SREK1IP1: variants seen among roughly 807,000 people sequenced by gnomAD.
SREK1IP1 encodes protein SREK1IP1.
Under a neutral mutation model 22.8 loss-of-function variants are expected in SREK1IP1, and 12 were observed. The ratio of observed to expected loss-of-function variants is 0.53; its 90% confidence interval spans 0.34 to 0.85. The LOEUF (loss-of-function observed/expected upper bound fraction) is 0.85. Among genes scored for constraint, SREK1IP1 ranks in the 40% least tolerant of loss-of-function variants. The pLI is 0.02. For synonymous variants in SREK1IP1, 53 were observed against 52.7 expected, an observed-to-expected ratio of 1.01 and a Z score of -0.02; for missense variants, 147 against 171.8, an observed-to-expected ratio of 0.86 and a Z score of 0.81.
At chr5:64,762,402 G>A (rs113778705) in intron 1 of SREK1IP1, among the ~76,000 whole-genome samples, 5 of 152,060 alleles carry the variant, frequency 3.3e-5, no homozygotes, top group African/African-American at 4.8e-5. Context: ...AGTTACAATC[G>A]GGGAACCTAT....
intron 2 of SREK1IP1, among the ~76,000 whole-genome samples, chr5:64,753,329 A>C (rs1419546879): frequency 6.6e-6 from 1 of 152,226 alleles, no homozygotes; most frequent in Non-Finnish European, 1.5e-5. Flanking sequence ...TGCTTGAAAG[A>C]AAGCAAACAA....
At chr5:64,758,540 A>G (rs1222002073) in intron 1 of SREK1IP1, among the ~76,000 whole-genome samples, 4 of 152,254 alleles carry the variant, frequency 2.6e-5, no homozygotes, top group African/African-American at 9.6e-5. Context: ...CATTTTGAAA[A>G]CAACTGCATG....
At chr5:64,734,241 G>A (rs181422774) in intron 3 of SREK1IP1, among the ~76,000 whole-genome samples, 1 of 152,112 alleles carries the variant, frequency 6.6e-6, no homozygotes, top group African/African-American at 2.4e-5. Context: ...CTGTTCCATT[G>A]ATCTATCTTT....
At chr5:64,738,982 A>G (rs1742511859) in intron 3 of SREK1IP1, among the ~76,000 whole-genome samples, 1 of 152,120 alleles carries the variant, frequency 6.6e-6, no homozygotes, top group African/African-American at 2.4e-5. Context: ...AGAGAAGTGG[A>G]AAGCTATTCT....
intron 1 of SREK1IP1, among the ~76,000 whole-genome samples, chr5:64,762,254 T>C (rs1208662483): frequency 6.6e-6 from 1 of 152,202 alleles, no homozygotes; most frequent in East Asian, 1.9e-4. Flanking sequence ...GTAACTAAGT[T>C]TTTTAGTACT....
chr5:64,728,246 T>C (rs1371612199), intron 3 of SREK1IP1, 67 bp from the exon 4 acceptor site: 1 of 1,205,178 alleles, frequency 8.3e-7, no homozygotes, highest in Admixed American at 3.3e-5. Context: ...ATATGGCATG[T>C]ATATATGTTA....
intron 2 of SREK1IP1, among the ~76,000 whole-genome samples, chr5:64,744,665 TTC>T (rs1469822304): frequency 6.6e-6 from 1 of 152,200 alleles, no homozygotes; most frequent in East Asian, 1.9e-4. Context: ...TTTTGAAAAT[TTC>T]TGTGTAGTTT....
At chr5:64,742,258 CTA>C (rs1040058362) in intron 2 of SREK1IP1, among the ~76,000 whole-genome samples, 1 of 151,978 alleles carries the variant, frequency 6.6e-6, no homozygotes, top group Non-Finnish European at 1.5e-5. Flanking sequence ...CAGTAGTTTG[CTA>C]TTATAAAAAG....
chr5:64,764,715 T>C lies in SREK1IP1; in HGVS notation c.13+3790A>G, dbSNP rs542894838. Among the ~76,000 whole-genome samples the C allele has an allele frequency of 5.9e-5, 9 of 152,250 alleles. No homozygotes were observed. The East Asian group carries it at 1.7e-3, about 29-fold the overall frequency. ...TGAAGAGAACTACAAAATTCACAGA[T>C]AGGGGTCAAGAACTAAGTTCATGCC... On this transcript the variant is annotated intron_variant, in intron 1 of 4. Coordinates refer to ENST00000513458, the MANE Select transcript of SREK1IP1 (RefSeq NM_173829.4).
intron 4 of SREK1IP1, among the ~76,000 whole-genome samples, chr5:64,726,176 T>C (rs1742261440): frequency 6.6e-6 from 1 of 152,034 alleles, no homozygotes; most frequent in South Asian, 2.1e-4. Context: ...TGGCCTGAAG[T>C]CTCCTTTTTA....
intron 4 of SREK1IP1, 51 bp from the exon 5 acceptor site, chr5:64,724,624 T>C (rs765817648): frequency 7.4e-7 from 1 of 1,343,760 alleles, no homozygotes; most frequent in Non-Finnish European, 9.9e-7. Context: ...GACTGATAGA[T>C]AAATTTAAGT....
intron 1 of SREK1IP1, among the ~76,000 whole-genome samples, chr5:64,767,535 C>T (rs1743063501): frequency 6.6e-6 from 1 of 152,200 alleles, no homozygotes; most frequent in Non-Finnish European, 1.5e-5. Flanking sequence ...GTTCCAATAA[C>T]AGCTATCTGT....
chr5:64,731,521 C>CAAAAAAAAAAAAAAAAAAAAA lies in SREK1IP1; in HGVS notation c.206-3343_206-3342insTTTTTTTTTTTTTTTTTTTTT, dbSNP rs10599290. On this transcript the variant is annotated intron_variant, in intron 3 of 4. Transcript: ENST00000513458. ...TAGACAACAGAGTGGGCCCTTGTCT[C>CAAAAAAAAAAAAAAAAAAAAA]AAAAAAAAAAAAAAAAAGAGGACAG... is the stretch of plus-strand genomic sequence containing the variant. 1.3e-3 allele frequency among the ~76,000 whole-genome samples: 96 copies of CAAAAAAAAAAAAAAAAAAAAA among 74,650 alleles called. 1 individual carries two copies. Among genetic ancestry groups the CAAAAAAAAAAAAAAAAAAAAA allele is most frequent in the African/African-American group, 3.8e-3 (93 of 24,618 alleles). 49.0% of individuals were successfully genotyped at this position (74,650 alleles called of 152,430 possible). A position where few individuals can be genotyped will look rare whatever the true frequency, so the allele number is the denominator to read the frequency against.
intron 3 of SREK1IP1, among the ~76,000 whole-genome samples, chr5:64,736,464 AT>A (rs1215824112): frequency 1.8e-3 from 264 of 144,328 alleles, no homozygotes; most frequent in Middle Eastern, 3.6e-3. Flanking sequence ...AACACTTAGA[AT>A]TTTTTTTTTT....
intron 1 of SREK1IP1, among the ~76,000 whole-genome samples, chr5:64,765,289 G>C (rs766270444): frequency 1.3e-5 from 2 of 152,118 alleles, no homozygotes; most frequent in South Asian, 4.1e-4. Flanking sequence ...ATGGAAACAC[G>C]GGTGAAGCAC....
At chr5:64,752,060 A>C (rs1046300614) in intron 2 of SREK1IP1, among the ~76,000 whole-genome samples, 2 of 151,956 alleles carry the variant, frequency 1.3e-5, no homozygotes, top group Non-Finnish European at 2.9e-5. Context: ...GCTGTTTTTA[A>C]ATATTCCGAA....
chr5:64,728,509 T>A (rs970392207), intron 3 of SREK1IP1, among the ~76,000 whole-genome samples: 2 of 152,198 alleles, frequency 1.3e-5, no homozygotes, highest in Non-Finnish European at 2.9e-5. Context: ...TGCACAGTTT[T>A]AAAATTTTAT....
Position 64,724,482 on chromosome 5 carries a change from T to C in SREK1IP1, c.370A>G (p.Lys124Glu). 1 of 1,593,360 alleles carries C rather than the reference T, an allele frequency of 6.3e-7. No homozygotes were observed. Among genetic ancestry groups the C allele is most frequent in the Non-Finnish European group, 8.5e-7 (1 of 1,174,286 alleles). Residue 124 changes from lysine to glutamate, a missense_variant, in exon 5 of 5, where the codon AAA (lysine) becomes GAA (glutamate). Physicochemically the swap from Lys to Glu is moderately conservative, Grantham distance 56. This residue lies in a region of SREK1IP1 where 82 missense variants were observed against 81.7 expected (regional missense o/e 1.00). Transcript: ENST00000513458. ...KKEKKKEKKS[K>E]SKKGKHHKKE... ...TTGTGATGTTTCCCTTTTTTTGATTTACTCTTTTTTTCTTTTTTCTTTTCT... is the reference window on the plus strand; with the variant it reads ...TTGTGATGTTTCCCTTTTTTTGATTCACTCTTTTTTTCTTTTTTCTTTTCT...
rs1218799569 is a variant in SREK1IP1 at position 64,721,718 on chromosome 5, T to C, written c.*2666A>G. ...TTTGGTGAAAATGACATGCATTAGG[T>C]TGTAAGAATATGAACCAAATATCAA... is the stretch of plus-strand genomic sequence containing the variant. On this transcript the variant is annotated 3_prime_UTR_variant, in exon 5 of 5. Coordinates refer to ENST00000513458, the MANE Select transcript of SREK1IP1 (RefSeq NM_173829.4). 2 of 152,164 alleles carry C rather than the reference T, an allele frequency of 1.3e-5. No individual in the cohort carries two copies. Among genetic ancestry groups the C allele is most frequent in the African/African-American group, 2.4e-5 (1 of 41,446 alleles). 9.4% of individuals were successfully genotyped at this position (152,164 alleles called of 1,614,324 possible).
Sources: gnomAD v4.1 joint callset for allele counts (sites outside exome capture counted in the v4.1 genomes callset) on GRCh38, gnomAD v4.1.1 for gene constraint, gnomAD v4.1.1 regional missense constraint, MANE v1.5 for transcripts, NCBI Gene and HGNC (gene_info 2026-07-23, HGNC 2026-07-21) for gene names.